The following SNX27 variants were observed in gnomAD, a reference collection of about 807,000 sequenced individuals.
The protein encoded by SNX27 is sorting nexin-27.
In SNX27, 22 loss-of-function variants were observed where a neutral mutation model predicts 71.6. The ratio of observed to expected loss-of-function variants is 0.31; its 90% CI spans 0.22 to 0.44. SNX27 has a LOEUF of 0.44. SNX27 is among the 20% of genes least tolerant of loss of function. SNX27 has a pLI of 1.00. For missense variants in SNX27, 531 were observed against 698.6 expected, an observed-to-expected ratio of 0.76 and a Z score of 2.70; for synonymous variants, 269 against 277.2, an observed-to-expected ratio of 0.97 and a Z score of 0.29.
chr1:151,681,744 C>T (rs181141629), intron 7 of SNX27, among the ~76,000 whole-genome samples: 6 of 151,518 alleles, frequency 4.0e-5, no homozygotes, highest in African/African-American at 1.4e-4. Flanking sequence ...ATTTTAGCTC[C>T]CTGTTGTTTA....
intron 1 of SNX27, among the ~76,000 whole-genome samples, chr1:151,634,446 C>A (rs1273320776): frequency 1.3e-5 from 2 of 152,114 alleles, no homozygotes; most frequent in Admixed American, 6.5e-5. Context: ...GTATACAAAT[C>A]CTGACTAGAG....
chr1:151,668,889 T>C (rs1670334339), intron 7 of SNX27, among the ~76,000 whole-genome samples: 1 of 152,168 alleles, frequency 6.6e-6, no homozygotes, highest in Non-Finnish European at 1.5e-5. Context: ...AAAATGAGCA[T>C]TGTGGCTGTG....
At chr1:151,618,002 T>C (rs1667504902) in intron 1 of SNX27, among the ~76,000 whole-genome samples, 1 of 149,134 alleles carries the variant, frequency 6.7e-6, no homozygotes, top group African/African-American at 2.5e-5. Context: ...ACTACAGGCA[T>C]GCACTACCAC....
chr1:151,613,760 T>G (rs1300503336), intron 1 of SNX27, among the ~76,000 whole-genome samples: 1 of 152,176 alleles, frequency 6.6e-6, no homozygotes, highest in Non-Finnish European at 1.5e-5. Context: ...TACTTCGTAT[T>G]GAAATTCGGA....
chr1:151,631,280 C>G (rs1391059738), intron 1 of SNX27, among the ~76,000 whole-genome samples: 1 of 152,104 alleles, frequency 6.6e-6, no homozygotes, highest in Non-Finnish European at 1.5e-5. Context: ...TGCCAGGGGT[C>G]TTTTTTCCTT....
At chr1:151,648,694 C>T (rs1286089943) in intron 2 of SNX27, among the ~76,000 whole-genome samples, 3 of 152,266 alleles carry the variant, frequency 2.0e-5, no homozygotes, top group African/African-American at 2.4e-5. Context: ...GCTGGGATTA[C>T]AGGCGTGAGC....
rs1228120121 is a variant in SNX27 at position 151,697,286 on chromosome 1, C to T, written c.*2869C>T. Reference sequence around the variant, plus strand: ...AAATAGCAATTTGCCCCTACTCGCTCAGAGTGGGACAGTAGTGAACAGAGC... The same window carrying T: ...AAATAGCAATTTGCCCCTACTCGCTTAGAGTGGGACAGTAGTGAACAGAGC... On this transcript the variant is annotated 3_prime_UTR_variant, in exon 12 of 12. Coordinates refer to ENST00000458013, the MANE Select transcript of SNX27 (RefSeq NM_001330723.2). 1 of 152,242 alleles carries T rather than the reference C, an allele frequency of 6.6e-6. No individual in the cohort carries two copies. Among genetic ancestry groups the T allele is most frequent in the African/African-American group, 2.4e-5 (1 of 41,472 alleles). 9.4% of individuals were successfully genotyped at this position (152,242 alleles called of 1,614,324 possible). A position where few individuals can be genotyped will look rare whatever the true frequency, so the allele number is the denominator to read the frequency against.
At chr1:151,658,505 A>G in intron 3 of SNX27, 78 bp downstream of exon 3, 2 of 1,389,120 alleles carry the variant, frequency 1.4e-6, no homozygotes, top group Admixed American at 4.3e-5. Context: ...GCATAGCTGA[A>G]TTTCCAGAAC....
chr1:151,644,636 G>A (rs892858163), intron 2 of SNX27, among the ~76,000 whole-genome samples: 2 of 152,072 alleles, frequency 1.3e-5, no homozygotes, highest in Non-Finnish European at 2.9e-5. Flanking sequence ...ATATACCTAG[G>A]AATGGAACTG....
chr1:151,683,390 C>T lies in SNX27; in HGVS notation c.1184C>T (p.Ala395Val). The change falls in exon 8 of 12, where the codon GCA (alanine) becomes GTA (valine). Residue 395 changes from alanine to valine, a missense_variant. Coordinates refer to ENST00000458013, the MANE Select transcript of SNX27 (RefSeq NM_001330723.2). The stretch of plus-strand genomic sequence containing the variant: ...GATGTGAAGAAAGGTTACATCAAAG[C>T]AGAAGAAAAGTCCTATCAATTACAG... ...VDDVKKGYIKAEEKSYQLQKL... is the reference protein window; with the variant it reads ...VDDVKKGYIKVEEKSYQLQKL... The T allele has an allele frequency of 1.2e-6, 2 of 1,613,564 alleles. No homozygotes were observed. The highest frequency in any genetic ancestry group is 1.1e-5 in the South Asian group (1 of 90,968).
intron 1 of SNX27, among the ~76,000 whole-genome samples, chr1:151,623,961 T>C (rs1667797440): frequency 6.6e-6 from 1 of 152,118 alleles, no homozygotes; most frequent in African/African-American, 2.4e-5. Flanking sequence ...TTTAAAAATT[T>C]ATTTATTTAT....
At chr1:151,630,850 G>A (rs1253650219) in intron 1 of SNX27, among the ~76,000 whole-genome samples, 2 of 152,136 alleles carry the variant, frequency 1.3e-5, no homozygotes, top group Non-Finnish European at 2.9e-5. Context: ...TGGCTAACAC[G>A]GTGAAACCCC....
At chr1:151,686,592 T>A (rs185018283) in intron 8 of SNX27, among the ~76,000 whole-genome samples, 133 of 152,356 alleles carry the variant, frequency 8.7e-4, no homozygotes, top group African/African-American at 3.0e-3. Flanking sequence ...GAAAGGCTCA[T>A]CAAAGTTTGA....
Position 151,697,079 on chromosome 1 carries a change from C to T in SNX27, c.*2662C>T, listed in dbSNP as rs3204344. The T allele has an allele frequency of 1.3e-5, 2 of 151,942 alleles. No homozygotes were observed. The highest frequency in any genetic ancestry group is 4.8e-5 in the African/African-American group (2 of 41,326). The allele number at this position is 151,942 out of a possible 1,614,324, so 9.4% of individuals were successfully genotyped here. On this transcript the variant is annotated 3_prime_UTR_variant, in exon 12 of 12. Coordinates refer to ENST00000458013, the MANE Select transcript of SNX27 (RefSeq NM_001330723.2). Reference sequence around the variant, plus strand: ...CTAGGTGAAATCACAGAGTACAAAACGTGAGAATGCTGAATGTGTAAAGTT... The same window carrying T: ...CTAGGTGAAATCACAGAGTACAAAATGTGAGAATGCTGAATGTGTAAAGTT...
intron 2 of SNX27, among the ~76,000 whole-genome samples, chr1:151,654,281 G>T (rs915350858): frequency 2.0e-5 from 3 of 152,206 alleles, no homozygotes; most frequent in Non-Finnish European, 4.4e-5. Context: ...TCATGGTAGA[G>T]GTAGATGTTG....
chr1:151,656,154 C>T (rs1206898051), intron 2 of SNX27, among the ~76,000 whole-genome samples: 28 of 137,608 alleles, frequency 2.0e-4, no homozygotes, highest in Non-Finnish European at 4.6e-5. Context: ...ACCCGGGGGG[C>T]GGAGCTTGCA....
At chr1:151,628,460 C>T (rs986482506) in intron 1 of SNX27, among the ~76,000 whole-genome samples, 7 of 152,042 alleles carry the variant, frequency 4.6e-5, no homozygotes, top group Admixed American at 6.6e-5. Flanking sequence ...CATTTATTTA[C>T]GTGCAGGTTT....
chr1:151,650,563 T>C (rs903130208), intron 2 of SNX27, among the ~76,000 whole-genome samples: 8 of 152,104 alleles, frequency 5.3e-5, no homozygotes, highest in African/African-American at 1.9e-4. Context: ...AGCTTTTGGG[T>C]GTTTTATTCT....
Position 151,612,442 on chromosome 1 carries a change from G to A in SNX27, c.241G>A (p.Val81Met). Residue 81 changes from valine to methionine, a missense_variant, in exon 1 of 12, where the codon GTG becomes ATG. Val to Met is a conservative substitution (Grantham distance 21). Around this residue, in one of 5 missense-constraint regions of SNX27, gnomAD observed 130 missense variants for 143.5 expected, o/e 0.91. Coordinates refer to ENST00000458013, the MANE Select transcript of SNX27 (RefSeq NM_001330723.2). This position sits in a 1 kb window ranked among gnomAD's most constrained non-coding sequence, Gnocchi z 5.2. Reference sequence around the variant, plus strand: ...GGAGCTGTACGCGCCGCTGCAGCATGTGAGCGCCGTGCTGCCCGGGGGGGC... The same window carrying A: ...GGAGCTGTACGCGCCGCTGCAGCATATGAGCGCCGTGCTGCCCGGGGGGGC... Reference protein sequence around the residue: ...NGELYAPLQHVSAVLPGGAAD... With the variant: ...NGELYAPLQHMSAVLPGGAAD... 1 of 1,452,674 alleles carries A rather than the reference G, an allele frequency of 6.9e-7. No homozygotes were observed. Among genetic ancestry groups the A allele is most frequent in the Non-Finnish European group, 9.1e-7 (1 of 1,103,278 alleles). The allele number at this position is 1,452,674 out of a possible 1,614,324, so 90.0% of individuals were successfully genotyped here.
Sources: gnomAD v4.1 joint callset for allele counts (sites outside exome capture counted in the v4.1 genomes callset) on GRCh38, gnomAD v4.1.1 for gene constraint, gnomAD v4.1.1 regional missense constraint, Gnocchi (gnomAD v3.1) non-coding constraint, MANE v1.5 for transcripts, NCBI Gene and HGNC (gene_info 2026-07-23, HGNC 2026-07-21) for gene names.